MAPT: variants seen among roughly 807,000 people sequenced by gnomAD.
MAPT encodes microtubule-associated protein tau.
In MAPT, 34 loss-of-function variants were observed where a neutral mutation model predicts 67.9. The observed-to-expected ratio is 0.50, with a 90% CI of 0.38 to 0.67. The LOEUF is 0.67. Ranked by LOEUF, MAPT falls within the 30% of genes least tolerant of loss-of-function variation. The pLI is 0.00. For synonymous variants in MAPT, 456 were observed against 464.5 expected (o/e 0.98, Z 0.23); for missense variants, 881 against 1,115.2 (o/e 0.79, Z 2.99).
At position 45,996,456 on chromosome 17, in the gene MAPT, C is replaced by T. The variant is rs1279899325; in HGVS notation, c.1790C>T (p.Thr597Ile). The T allele has an allele frequency of 5.6e-6, 9 of 1,612,588 alleles. No individual in the cohort carries two copies. In the South Asian group the frequency reaches 6.6e-5, roughly 12 times the overall value. The stretch of plus-strand genomic sequence containing the variant: ...TACAGCAGCCCCGGCTCCCCAGGCA[C>T]TCCCGGCAGCCGCTCCCGCACCCCG... ...SGYSSPGSPG[T>I]PGSRSRTPSL... Residue 597 changes from threonine to isoleucine, a missense_variant, in exon 9 of 13, where the codon ACT (threonine) becomes ATT (isoleucine). Physicochemically the swap from Thr to Ile is moderately conservative, Grantham distance 89. Transcript: ENST00000262410. This position sits in a 1 kb window ranked among gnomAD's most constrained non-coding sequence, Gnocchi z 4.5.
chr17:45,926,678 T>C (rs2066323981), intron 1 of MAPT, among the ~76,000 whole-genome samples: 1 of 152,168 alleles, frequency 6.6e-6, no homozygotes, highest in Non-Finnish European at 1.5e-5. Flanking sequence ...TATGGACTTA[T>C]AATAGTATCA....
chr17:45,949,112 A>G (rs78556223), intron 1 of MAPT, among the ~76,000 whole-genome samples: 21,788 of 152,294 alleles, frequency 0.14, 2,122 homozygotes, highest in Non-Finnish European at 0.22. Flanking sequence ...TTCCAGTCTG[A>G]GTTTTTAACT....
chr17:45,995,378 C>G lies in MAPT; in HGVS notation c.1733-1021C>G. Reference sequence around the variant, plus strand: ...AGGTCCCACCCCTAGAGATTCTGCTCTATCCACTCTTGAAGGGGATCGAGA... The same window carrying G: ...AGGTCCCACCCCTAGAGATTCTGCTGTATCCACTCTTGAAGGGGATCGAGA... On this transcript the variant is annotated intron_variant, in intron 8 of 12. Transcript: ENST00000262410. The surrounding 1 kb of genome is among the most constrained non-coding windows in gnomAD (Gnocchi z 4.3). Among the ~76,000 whole-genome samples the G allele has an allele frequency of 6.6e-6, 1 of 152,212 alleles. No individual in the cohort carries two copies. The highest frequency in any genetic ancestry group is 1.9e-4 in the East Asian group (1 of 5,202).
chr17:46,011,480 G>A (rs981559120), intron 10 of MAPT, among the ~76,000 whole-genome samples: 5 of 152,172 alleles, frequency 3.3e-5, no homozygotes, highest in African/African-American at 9.7e-5. Flanking sequence ...CTTCTGTGGA[G>A]TGTCTCCGTG....
In MAPT at chr17:46,027,305, T is replaced by TAA. The variant is rs1480898878; in HGVS notation, c.*3136_*3137dup. The TAA allele has an allele frequency of 2.0e-5, 3 of 152,706 alleles. No individual in the cohort carries two copies. The highest frequency in any genetic ancestry group is 6.5e-5 in the Admixed American group (1 of 15,278). The allele number at this position is 152,706 out of a possible 1,614,324, so 9.5% of individuals were successfully genotyped here. On this transcript the variant is annotated 3_prime_UTR_variant, in exon 13 of 13. Transcript: ENST00000262410. ...GTTTAGGGTGATCAGTGCTGGCAGATAAATTGAAAAGGCACGCTGGCTTGT... is the reference window on the plus strand; with the variant it reads ...GTTTAGGGTGATCAGTGCTGGCAGATAAAAATTGAAAAGGCACGCTGGCTTGT...
rs373345017 is a variant in MAPT, at chr17:45,906,177, T to C, written c.-18+11491T>C. 6.6e-6 allele frequency among the ~76,000 whole-genome samples: 1 copy of C among 152,160 alleles called. No homozygotes were observed. The highest frequency in any genetic ancestry group is 2.4e-5 in the African/African-American group (1 of 41,432). ...TGCCTTGAGCATGACCTCAAGTGATTTCCAGCCCCTGCCAGTGCTGACTTC... is the reference window on the plus strand; with the variant it reads ...TGCCTTGAGCATGACCTCAAGTGATCTCCAGCCCCTGCCAGTGCTGACTTC... On this transcript the variant is annotated intron_variant, in intron 1 of 12. Transcript: ENST00000262410. This position sits in a 1 kb window ranked among gnomAD's most constrained non-coding sequence, Gnocchi z 4.3.
chr17:45,934,892 G>A (rs184466495), intron 1 of MAPT, among the ~76,000 whole-genome samples: 22 of 112,844 alleles, frequency 1.9e-4, no homozygotes, highest in South Asian at 4.9e-4. Flanking sequence ...TTTCCCCCCC[G>A]CTTCTTAGAA....
chr17:45,974,136 A>T (rs536806463), intron 3 of MAPT: 1 of 562,766 alleles, frequency 1.8e-6, no homozygotes, highest in African/African-American at 1.9e-5. Context: ...GCGTTTACAC[A>T]GGGCTGCCGG....
intron 1 of MAPT, among the ~76,000 whole-genome samples, chr17:45,959,000 T>C (rs1364926342): frequency 6.6e-6 from 1 of 152,128 alleles, no homozygotes; most frequent in Non-Finnish European, 1.5e-5. Context: ...GAGGCAGAGG[T>C]TGCAGTAAGC....
At chr17:45,934,133 G>A (rs1218946813) in intron 1 of MAPT, among the ~76,000 whole-genome samples, 1 of 152,150 alleles carries the variant, frequency 6.6e-6, no homozygotes, top group Non-Finnish European at 1.5e-5. Context: ...ACTCTGAGGA[G>A]GGAGGATCAC....
At chr17:45,925,482 C>T (rs2066187955) in intron 1 of MAPT, among the ~76,000 whole-genome samples, 1 of 152,240 alleles carries the variant, frequency 6.6e-6, no homozygotes, top group Non-Finnish European at 1.5e-5. Context: ...AATATTACTA[C>T]TCTTTGACCC....
At chr17:45,935,426 C>T (rs1425046091) in intron 1 of MAPT, among the ~76,000 whole-genome samples, 1 of 152,144 alleles carries the variant, frequency 6.6e-6, no homozygotes, top group Non-Finnish European at 1.5e-5. Context: ...GAGGTAGGCA[C>T]GCAGCTGGGG....
At chr17:45,956,583 TATATATATATATATATA>T (rs1568230895) in intron 1 of MAPT, among the ~76,000 whole-genome samples, 37 of 26,210 alleles carry the variant, frequency 1.4e-3, no homozygotes, top group African/African-American at 3.6e-3. Flanking sequence ...TATATATATA[TATATATATATATATATA>T]TTTTTTATTA....
At chr17:45,978,271 C>A in intron 3 of MAPT, 104 bp from the exon 4 acceptor site, 1 of 906,930 alleles carries the variant, frequency 1.1e-6, no homozygotes, top group Non-Finnish European at 1.9e-6. Flanking sequence ...TGTGACTTTC[C>A]TGAATGTTTA....
At chr17:46,014,678 T>G (rs1486932835) in intron 11 of MAPT, among the ~76,000 whole-genome samples, 1 of 151,944 alleles carries the variant, frequency 6.6e-6, no homozygotes, top group Non-Finnish European at 1.5e-5. Context: ...ATTGAGACCA[T>G]CCTGGCTAAC....
At chr17:45,947,580 G>A (rs1194658798) in intron 1 of MAPT, among the ~76,000 whole-genome samples, 1 of 151,816 alleles carries the variant, frequency 6.6e-6, no homozygotes, top group Non-Finnish European at 1.5e-5. Flanking sequence ...TAGAGACAGG[G>A]TTTCACCATG....
At chr17:45,992,686 C>G (rs564298321) in intron 8 of MAPT, among the ~76,000 whole-genome samples, 2 of 152,036 alleles carry the variant, frequency 1.3e-5, no homozygotes, top group South Asian at 2.1e-4. Context: ...GTCAGGAGTT[C>G]GAGACCAGCT....
At chr17:46,006,609 G>A (rs182059275) in intron 9 of MAPT, among the ~76,000 whole-genome samples, 3 of 151,420 alleles carry the variant, frequency 2.0e-5, no homozygotes, top group Admixed American at 6.6e-5. Context: ...GTGAAACCCC[G>A]TCTCTACTAA....
In MAPT at chr17:45,996,670, A is replaced by G. The variant is rs2074497999; in HGVS notation, c.1998+6A>G. ...ACCAGCCGGGAGGCGGGAAGGTGAG[A>G]GTGGCTGGCTGCGCGTGGAGGTGTG... On this transcript the variant is annotated splice_donor_region_variant and intron_variant, in intron 9 of 12. Coordinates refer to ENST00000262410, the MANE Select transcript of MAPT (RefSeq NM_001377265.1). This position sits in a 1 kb window ranked among gnomAD's most constrained non-coding sequence, Gnocchi z 4.5. The G allele has an allele frequency of 6.2e-7, 1 of 1,612,494 alleles. No individual in the cohort carries two copies. Among genetic ancestry groups the G allele is most frequent in the Admixed American group, 1.7e-5 (1 of 59,920 alleles).
Sources: gnomAD v4.1 joint callset for allele counts (sites outside exome capture counted in the v4.1 genomes callset) on GRCh38, gnomAD v4.1.1 for gene constraint, Gnocchi (gnomAD v3.1) non-coding constraint, MANE v1.5 for transcripts, NCBI Gene and HGNC (gene_info 2026-07-23, HGNC 2026-07-21) for gene names.